The following TOGARAM2 variants were observed in gnomAD, a reference collection of about 807,000 sequenced individuals.
TOGARAM2 encodes the protein TOG array regulator of axonemal microtubules protein 2.
A neutral mutation model predicts 93.3 loss-of-function variants in TOGARAM2; 85 were observed. The observed-to-expected ratio is 0.91, with a 90% CI of 0.76 to 1.09. The LOEUF (loss-of-function observed/expected upper bound fraction) is 1.09, where lower values mean the gene tolerates loss of function less well. Among genes scored for constraint, TOGARAM2 ranks in the 50% least tolerant of loss-of-function variants. The probability of loss-of-function intolerance (pLI) is 0.00; values close to 1 mark genes in which losing one functional copy is unlikely to be tolerated. For synonymous variants in TOGARAM2, 593 were observed against 552.8 expected, an observed-to-expected ratio of 1.07 and a Z score of -1.02; for missense variants, 1,277 against 1,334.5, an observed-to-expected ratio of 0.96 and a Z score of 0.67.
chr2:29,029,600 C>CA (rs1665628111), intron 14 of TOGARAM2, among the ~76,000 whole-genome samples: 2 of 150,470 alleles, frequency 1.3e-5, no homozygotes, highest in Non-Finnish European at 3.0e-5. Context: ...ACTAAAAATA[C>CA]AAAAAATTAG....
At chr2:28,974,145 T>C (rs1671992726) in intron 1 of TOGARAM2, among the ~76,000 whole-genome samples, 1 of 149,960 alleles carries the variant, frequency 6.7e-6, no homozygotes, top group Admixed American at 6.6e-5. Flanking sequence ...TTTTTTTTTC[T>C]GAGGCGAAGT....
intron 6 of TOGARAM2, among the ~76,000 whole-genome samples, chr2:29,006,289 G>A (rs1558424961): frequency 6.7e-6 from 1 of 150,064 alleles, no homozygotes; most frequent in African/African-American, 2.5e-5. Context: ...GCATGTATGT[G>A]TGCATGTGTG....
chr2:29,025,358 C>T (rs1426012300), intron 13 of TOGARAM2, among the ~76,000 whole-genome samples: 1 of 152,106 alleles, frequency 6.6e-6, no homozygotes, highest in Non-Finnish European at 1.5e-5. Flanking sequence ...TGAGTGCTTA[C>T]TGTGTCTATA....
intron 1 of TOGARAM2, among the ~76,000 whole-genome samples, chr2:28,984,360 G>A (rs1237730627): frequency 6.6e-6 from 1 of 152,288 alleles, no homozygotes; most frequent in East Asian, 1.9e-4. Context: ...GCTTTCTCAT[G>A]GGCCATTGGG....
At position 29,035,533 on chromosome 2, in the gene TOGARAM2, G is replaced by A. The variant is rs1666043516; in HGVS notation, c.2295G>A (p.Glu765=). The stretch of plus-strand genomic sequence containing the variant: ...TGCAGGGCCGCGGGGAGATGGTGGA[G>A]CAGCTACGGGAGCTGACACGGCTGC... ...STLQGRGEMV[E]QLRELTRLLE... The change falls in exon 17 of 20, where the codon GAG becomes GAA. Residue 765 remains glutamate, a synonymous_variant. Transcript: ENST00000379558. 3.8e-6 allele frequency: 6 copies of A among 1,571,388 alleles called. No homozygotes were observed. The highest frequency in any genetic ancestry group is 1.7e-4 in the Middle Eastern group (1 of 5,834).
At chr2:29,035,824 C>G (rs112918666) in intron 17 of TOGARAM2, among the ~76,000 whole-genome samples, 168 bp downstream of exon 17, 19 of 152,374 alleles carry the variant, frequency 1.2e-4, no homozygotes, top group African/African-American at 4.6e-4. Flanking sequence ...AGGGCACCGC[C>G]TCCTGCCGGC....
rs545574395 is a variant in TOGARAM2 at position 29,036,723 on chromosome 2, C to T, written c.2601C>T (p.Ala867=). ...NSKNSGIYAA[A]VAVLDAMVES... ...AGAACTCAGGGATTTACGCTGCTGC[C>T]GTGGCTGTGCTGGATGCGATGGTTG... The change falls in exon 18 of 20, where the codon GCC becomes GCT. Residue 867 remains alanine, a synonymous_variant. Coordinates refer to ENST00000379558, the MANE Select transcript of TOGARAM2 (RefSeq NM_199280.4). The T allele has an allele frequency of 2.4e-5, 38 of 1,613,860 alleles. No individual in the cohort carries two copies. The highest frequency in any genetic ancestry group is 5.3e-5 in the African/African-American group (4 of 75,036).
In TOGARAM2 at chr2:29,014,557, C is replaced by T. The variant is rs1328732042; in HGVS notation, c.1040C>T (p.Thr347Ile). 1 of 1,566,286 alleles carries T rather than the reference C, an allele frequency of 6.4e-7. No homozygotes were observed. Among genetic ancestry groups the T allele is most frequent in the Non-Finnish European group, 8.7e-7 (1 of 1,155,178 alleles). ...GAAGAGGACCAGAAGGAGATCGGCACCAAGGTACCTGGGGAGCGGGAGGAG... is the reference window on the plus strand; with the variant it reads ...GAAGAGGACCAGAAGGAGATCGGCATCAAGGTACCTGGGGAGCGGGAGGAG... Reference protein sequence around the residue: ...LKEEDQKEIGTKIQVTISKSA... With the variant: ...LKEEDQKEIGIKIQVTISKSA... Residue 347 changes from threonine (T) to isoleucine (I), a missense_variant, in exon 8 of 20, where the codon ACC becomes ATC. Transcript: ENST00000379558.
chr2:29,051,972 T>C lies in TOGARAM2; in HGVS notation c.2939T>C (p.Leu980Pro), dbSNP rs775901544. Residue 980 changes from leucine to proline, a missense_variant, in exon 20 of 20, where the codon CTC becomes CCC. Transcript: ENST00000379558. ...DFAASQPKHV[L>P]KTLQELLDSE... is the part of the protein sequence containing the mutation. The stretch of plus-strand genomic sequence containing the variant: ...GCCGCCAGCCAGCCAAAGCACGTCC[T>C]CAAGACGCTCCAGGAACTCTTAGAC... The C allele has an allele frequency of 1.2e-6, 2 of 1,612,550 alleles. No individual in the cohort carries two copies. Among genetic ancestry groups the C allele is most frequent in the Non-Finnish European group, 1.7e-6 (2 of 1,179,520 alleles).
chr2:28,971,507 C>T (rs1468503440), intron 1 of TOGARAM2, among the ~76,000 whole-genome samples: 1 of 152,108 alleles, frequency 6.6e-6, no homozygotes, highest in Non-Finnish European at 1.5e-5. Context: ...TCACCACGAC[C>T]AGCCGGTAAT....
chr2:28,974,284 C>G (rs556640719), intron 1 of TOGARAM2, among the ~76,000 whole-genome samples: 1 of 151,270 alleles, frequency 6.6e-6, no homozygotes, highest in Non-Finnish European at 1.5e-5. Flanking sequence ...TGCACCACCA[C>G]GCCCAGCTAA....
intron 1 of TOGARAM2, among the ~76,000 whole-genome samples, chr2:28,959,025 C>T (rs2148211224): frequency 6.6e-6 from 1 of 152,180 alleles, no homozygotes; most frequent in South Asian, 2.1e-4. Flanking sequence ...CAGCAGCAGG[C>T]GTGATGAGAG....
At chr2:29,000,461 A>G (rs1673227388) in intron 4 of TOGARAM2, among the ~76,000 whole-genome samples, 1 of 152,126 alleles carries the variant, frequency 6.6e-6, no homozygotes, top group Admixed American at 6.5e-5. Context: ...GTTTAATGAA[A>G]ACTTGTACAC....
chr2:29,041,855 T>C (rs1666459048), intron 18 of TOGARAM2, among the ~76,000 whole-genome samples: 1 of 152,248 alleles, frequency 6.6e-6, no homozygotes, highest in Admixed American at 6.5e-5. Flanking sequence ...TCTACCATTG[T>C]GGTTGCTGGG....
intron 1 of TOGARAM2, among the ~76,000 whole-genome samples, chr2:28,982,851 C>T (rs185128465): frequency 9.2e-5 from 14 of 152,238 alleles, no homozygotes; most frequent in East Asian, 3.9e-4. Flanking sequence ...AAAAACTGGC[C>T]GCCTCCCAGA....
chr2:29,037,252 G>T (rs1306342239), intron 18 of TOGARAM2, among the ~76,000 whole-genome samples: 1 of 152,202 alleles, frequency 6.6e-6, no homozygotes, highest in African/African-American at 2.4e-5. Flanking sequence ...GGAAATGTTG[G>T]TGCATCTGCT....
At chr2:29,027,708 G>A (rs1032655011) in intron 14 of TOGARAM2, among the ~76,000 whole-genome samples, 3 of 152,170 alleles carry the variant, frequency 2.0e-5, no homozygotes, top group Non-Finnish European at 4.4e-5. Flanking sequence ...CAATGCAATG[G>A]AGTTGGTGGG....
chr2:29,033,126 G>T, intron 15 of TOGARAM2, 75 bp downstream of exon 15: 2 of 1,238,822 alleles, frequency 1.6e-6, no homozygotes, highest in Non-Finnish European at 2.3e-6. Context: ...TAGCCTTCAT[G>T]TGGGTCAGGG....
intron 1 of TOGARAM2, among the ~76,000 whole-genome samples, chr2:28,970,456 A>G (rs115367357): frequency 1.4e-4 from 22 of 152,332 alleles, no homozygotes; most frequent in African/African-American, 5.3e-4. Context: ...CTGGCAAATA[A>G]TAAGTGGTAG....
Sources: gnomAD v4.1 joint callset for allele counts (sites outside exome capture counted in the v4.1 genomes callset) on GRCh38, gnomAD v4.1.1 for gene constraint, MANE v1.5 for transcripts, NCBI Gene and HGNC (gene_info 2026-07-23, HGNC 2026-07-21) for gene names.